The following KIAA1328 variants were observed in gnomAD, a reference collection of about 807,000 sequenced individuals.
The protein encoded by KIAA1328 is protein hinderin.
A neutral mutation model predicts 68.1 loss-of-function variants in KIAA1328; 52 were observed. The observed-to-expected ratio is 0.76, with a 90% confidence interval of 0.61 to 0.96. The LOEUF (loss-of-function observed/expected upper bound fraction) is 0.96. KIAA1328 is among the 40% of genes least tolerant of loss of function. KIAA1328 has a pLI of 0.00. For missense variants in KIAA1328, 641 were observed against 677.6 expected, an observed-to-expected ratio of 0.95 and a Z score of 0.60; for synonymous variants, 232 against 239.4, an observed-to-expected ratio of 0.97 and a Z score of 0.28.
At chr18:37,023,364 G>A (rs887472366) in intron 6 of KIAA1328, among the ~76,000 whole-genome samples, 3 of 152,134 alleles carry the variant, frequency 2.0e-5, no homozygotes, top group African/African-American at 7.2e-5. Context: ...GCAGGCATGT[G>A]CCACTAAGCC....
At chr18:36,830,581 G>C (rs959564835) in intron 1 of KIAA1328, among the ~76,000 whole-genome samples, 2 of 149,998 alleles carry the variant, frequency 1.3e-5, no homozygotes, top group African/African-American at 4.9e-5. Context: ...TCAATGGTTT[G>C]GGGGGGGGAC....
chr18:36,905,151 G>A (rs2049173385), intron 5 of KIAA1328, among the ~76,000 whole-genome samples: 1 of 150,242 alleles, frequency 6.7e-6, no homozygotes, highest in South Asian at 2.1e-4. Flanking sequence ...TTGCTCTGTT[G>A]ACCAGGCTGG....
At position 37,222,811 on chromosome 18, in the gene KIAA1328, C is replaced by A. The variant is rs1250755938; in HGVS notation, c.*584C>A. 8 of 991,508 alleles carry A rather than the reference C, an allele frequency of 8.1e-6. No homozygotes were observed. The East Asian group carries it at 7.7e-4, about 96-fold the overall frequency. The allele number at this position is 991,508 out of a possible 1,614,324, so 61.4% of individuals were successfully genotyped here. A position where few individuals can be genotyped will look rare whatever the true frequency, so the allele number is the denominator to read the frequency against. ...TCAGTCTCAGTAGCCATCAGCCTGG[C>A]AGCTGCCCATCCCATAACCAAAGAG... On this transcript the variant is annotated 3_prime_UTR_variant, in exon 10 of 10. Coordinates refer to ENST00000280020, the MANE Select transcript of KIAA1328 (RefSeq NM_020776.3).
chr18:37,133,106 G>A (rs1442636416), intron 7 of KIAA1328, among the ~76,000 whole-genome samples: 5 of 151,998 alleles, frequency 3.3e-5, no homozygotes, highest in Non-Finnish European at 7.4e-5. Context: ...AGGCTGAGGC[G>A]GGTGGATCAT....
intron 7 of KIAA1328, among the ~76,000 whole-genome samples, chr18:37,102,994 C>G (rs186957270): frequency 6.6e-6 from 1 of 152,094 alleles, no homozygotes; most frequent in East Asian, 1.9e-4. Flanking sequence ...GTTTCAAGAC[C>G]TCAACGAGGA....
intron 9 of KIAA1328, among the ~76,000 whole-genome samples, chr18:37,185,120 C>T (rs1354318): frequency 1.3e-5 from 2 of 150,784 alleles, no homozygotes; most frequent in Admixed American, 1.3e-4. Flanking sequence ...GAGCTGAGAT[C>T]GCGCCACTGC....
At chr18:37,197,222 A>G (rs550114330) in intron 9 of KIAA1328, among the ~76,000 whole-genome samples, 1 of 151,240 alleles carries the variant, frequency 6.6e-6, no homozygotes, top group Non-Finnish European at 1.5e-5. Context: ...TTTTTTTCTT[A>G]ATCTAGCTAA....
At chr18:36,853,062 A>G (rs935003336) in intron 4 of KIAA1328, among the ~76,000 whole-genome samples, 2 of 152,134 alleles carry the variant, frequency 1.3e-5, no homozygotes, top group Admixed American at 6.5e-5. Context: ...TCTTTGTTTT[A>G]AAGCCTATTT....
chr18:37,005,047 A>G (rs1233627740), intron 6 of KIAA1328, among the ~76,000 whole-genome samples: 1 of 152,174 alleles, frequency 6.6e-6, no homozygotes, highest in African/African-American at 2.4e-5. Flanking sequence ...TGGCTAAGCT[A>G]TGAGGAGGCA....
At chr18:36,870,371 G>T (rs1332893117) in intron 4 of KIAA1328, among the ~76,000 whole-genome samples, 1 of 152,082 alleles carries the variant, frequency 6.6e-6, no homozygotes, top group Non-Finnish European at 1.5e-5. Context: ...GTTAGCTCTT[G>T]AAGAGGCCAA....
chr18:37,224,273 TGAA>T lies in KIAA1328; in HGVS notation c.*2051_*2053del. 1.0e-6 allele frequency: 1 copy of T among 985,442 alleles called. No individual in the cohort carries two copies. The highest frequency in any genetic ancestry group is 1.2e-6 in the Non-Finnish European group (1 of 829,932). 61.0% of individuals were successfully genotyped at this position (985,442 alleles called of 1,614,324 possible). A position where few individuals can be genotyped will look rare whatever the true frequency, so the allele number is the denominator to read the frequency against. ...GATCAAGAAAAGGATCACAGTTTCT[TGAA>T]GAAGCTTGTTTGCCTTTAGAAGAAT... On this transcript the variant is annotated 3_prime_UTR_variant, in exon 10 of 10. Coordinates refer to ENST00000280020, the MANE Select transcript of KIAA1328 (RefSeq NM_020776.3).
At chr18:37,114,512 G>A (rs2058043439) in intron 7 of KIAA1328, among the ~76,000 whole-genome samples, 1 of 152,212 alleles carries the variant, frequency 6.6e-6, no homozygotes, top group South Asian at 2.1e-4. Context: ...TTAAAGCAGT[G>A]TGTAGAGGGA....
chr18:37,070,827 C>T lies in KIAA1328; in HGVS notation c.1232+3282C>T, dbSNP rs148798691. Among the ~76,000 whole-genome samples, 605 of 152,070 alleles carry T rather than the reference C, an allele frequency of 4.0e-3. 1 individual carries two copies. Among genetic ancestry groups the T allele is most frequent in the African/African-American group, 0.014 (580 of 41,518 alleles). On this transcript the variant is annotated intron_variant, in intron 7 of 9. Coordinates refer to ENST00000280020, the MANE Select transcript of KIAA1328 (RefSeq NM_020776.3). ...TGCTAACCTCAGGTGATCCACCTAC[C>T]TCGTAAATTTTTTATCTAAAGTCTC...
chr18:36,900,918 G>C (rs956705787), intron 5 of KIAA1328, among the ~76,000 whole-genome samples: 4 of 152,006 alleles, frequency 2.6e-5, no homozygotes, highest in Non-Finnish European at 5.9e-5. Context: ...TACAGAGCCT[G>C]TCTCTATATA....
intron 9 of KIAA1328, among the ~76,000 whole-genome samples, chr18:37,190,020 A>G (rs2059875750): frequency 6.6e-6 from 1 of 151,972 alleles, no homozygotes; most frequent in Admixed American, 6.6e-5. Flanking sequence ...AGTTTTCCTA[A>G]GTTGTGAAAT....
At chr18:36,885,290 C>T (rs1249577453) in intron 4 of KIAA1328, among the ~76,000 whole-genome samples, 1 of 152,108 alleles carries the variant, frequency 6.6e-6, no homozygotes, top group East Asian at 1.9e-4. Flanking sequence ...GCACCTGCAT[C>T]CTTTGTAGGA....
chr18:37,211,040 A>G (rs1195340485), intron 9 of KIAA1328, among the ~76,000 whole-genome samples: 6 of 152,236 alleles, frequency 3.9e-5, no homozygotes, highest in Non-Finnish European at 7.3e-5. Context: ...TAACAGCATA[A>G]TCATAAAGAT....
At position 36,942,364 on chromosome 18, in the gene KIAA1328, T is replaced by C. The variant is rs943830700; in HGVS notation, c.449-16944T>C. Among the ~76,000 whole-genome samples, 6 of 152,224 alleles carry C rather than the reference T, an allele frequency of 3.9e-5. No homozygotes were observed. In the South Asian group the frequency reaches 6.2e-4, roughly 16 times the overall value. On this transcript the variant is annotated intron_variant, in intron 5 of 9. Coordinates refer to ENST00000280020, the MANE Select transcript of KIAA1328 (RefSeq NM_020776.3). ...GAATTTTGGTTTTCTGAACAAGTGG[T>C]GTAGCAGAACTGACTGTATATGAAA...
intron 6 of KIAA1328, among the ~76,000 whole-genome samples, chr18:36,962,771 G>C (rs755385002): frequency 6.6e-6 from 1 of 152,134 alleles, no homozygotes; most frequent in Non-Finnish European, 1.5e-5. Context: ...TTAAAGCAAT[G>C]ATAACAGAGA....
Sources: gnomAD v4.1 joint callset for allele counts (sites outside exome capture counted in the v4.1 genomes callset) on GRCh38, gnomAD v4.1.1 for gene constraint, MANE v1.5 for transcripts, NCBI Gene and HGNC (gene_info 2026-07-23, HGNC 2026-07-21) for gene names.